SART3: variants seen among roughly 807,000 people sequenced by gnomAD.
SART3 encodes the protein HIV-1 Tat-interacting protein of 110kDa.
A neutral mutation model predicts 122.3 loss-of-function variants in SART3; 44 were observed. The observed-to-expected ratio is 0.36, with a 90% CI of 0.28 to 0.46. The LOEUF (loss-of-function observed/expected upper bound fraction) is 0.46, where lower values mean the gene tolerates loss of function less well. Among genes scored for constraint, SART3 ranks in the 20% least tolerant of loss-of-function variants. The pLI, the probability that SART3 is intolerant of heterozygous loss-of-function variation, is 1.00. For synonymous variants in SART3, 442 were observed against 454.0 expected (o/e 0.97, Z 0.34); for missense variants, 1,101 against 1,229.0 (o/e 0.90, Z 1.56).
At chr12:108,544,085 G>A (rs1260188234) in intron 5 of SART3, among the ~76,000 whole-genome samples, 4 of 152,140 alleles carry the variant, frequency 2.6e-5, no homozygotes, top group African/African-American at 9.7e-5. Flanking sequence ...TGGAACTCTT[G>A]TTCAATGAAG....
chr12:108,541,998 C>CTT (rs55746158), intron 6 of SART3, among the ~76,000 whole-genome samples: 19 of 68,062 alleles, frequency 2.8e-4, no homozygotes, highest in African/African-American at 4.3e-4. Flanking sequence ...CCAAGCCCGG[C>CTT]TTTTTTTTTT....
Position 108,526,224 on chromosome 12 carries a change from A to T in SART3, c.2245T>A (p.Cys749Ser), listed in dbSNP as rs201032838. 39 of 1,614,208 alleles carry T rather than the reference A, an allele frequency of 2.4e-5. No individual in the cohort carries two copies. ...TTCTCTTCTTTAAACTCCACGTAGC[A>T]GTAACCTCGGAAATCCCCACGGTTG... is the stretch of plus-strand genomic sequence containing the variant. ...FSNRGDFRGY[C>S]YVEFKEEKSA... Residue 749 changes from cysteine (C) to serine (S), a missense_variant, in exon 16 of 19, where the codon TGC becomes AGC. Coordinates refer to ENST00000546815, the MANE Select transcript of SART3 (RefSeq NM_014706.4).
chr12:108,535,343 C>A lies in SART3; in HGVS notation c.1556+16G>T, dbSNP rs1339336443. ...CTGACAAGCACTGCCTCCCTCCCCA[C>A]CCCGAGATCAGTTACCTTTCCAGGT... On this transcript the variant is annotated intron_variant, in intron 12 of 18. Transcript: ENST00000546815. 1.9e-6 allele frequency: 3 copies of A among 1,605,828 alleles called. No individual in the cohort carries two copies. Among genetic ancestry groups the A allele is most frequent in the Non-Finnish European group, 2.6e-6 (3 of 1,172,754 alleles).
chr12:108,535,615 C>T (rs1872870223), intron 11 of SART3, 147 bp from the exon 12 acceptor site: 1 of 729,510 alleles, frequency 1.4e-6, no homozygotes, highest in Non-Finnish European at 2.5e-6. Context: ...GGCCTCCCTC[C>T]AGTGGTAAAC....
intron 1 of SART3, among the ~76,000 whole-genome samples, chr12:108,553,304 T>C (rs1286793186): frequency 6.6e-6 from 1 of 152,166 alleles, no homozygotes; most frequent in African/African-American, 2.4e-5. Context: ...CTTGACTATA[T>C]CAATGTCAAT....
chr12:108,560,503 G>A, intron 1 of SART3: 1 of 399,398 alleles, frequency 2.5e-6, no homozygotes, highest in Admixed American at 4.4e-5. Flanking sequence ...GTGGTTAAGA[G>A]TGGGAGTTCT....
At chr12:108,546,774 G>C (rs767538690) in intron 3 of SART3, among the ~76,000 whole-genome samples, 4 of 152,168 alleles carry the variant, frequency 2.6e-5, no homozygotes, top group Admixed American at 1.3e-4. Context: ...GCCTGCCTCA[G>C]TCTCCCAAAC....
intron 12 of SART3, among the ~76,000 whole-genome samples, chr12:108,533,707 T>C (rs2111954): frequency 0.79 from 120,084 of 152,216 alleles, 47,959 homozygotes; most frequent in East Asian, 0.92. Context: ...AATACAGATA[T>C]GAACAAATAC....
At chr12:108,527,416 C>T (rs1171427644) in intron 15 of SART3, among the ~76,000 whole-genome samples, 1 of 152,238 alleles carries the variant, frequency 6.6e-6, no homozygotes, top group Non-Finnish European at 1.5e-5. Context: ...ACTCGGTCTT[C>T]CCCCTGGATG....
In SART3 at chr12:108,532,348, C is replaced by T. The variant is rs746249632; in HGVS notation, c.1557-14G>A. On this transcript the variant is annotated splice_polypyrimidine_tract_variant and intron_variant, in intron 12 of 18. Transcript: ENST00000546815. ...TCACCATGAGCTCTAAGGCAGAAAA[C>T]AAAAAGTTGCTGCCACCAGGACACA... 87 of 1,611,558 alleles carry T rather than the reference C, an allele frequency of 5.4e-5. No individual in the cohort carries two copies. Among genetic ancestry groups the T allele is most frequent in the Non-Finnish European group, 7.0e-5 (83 of 1,178,560 alleles).
chr12:108,556,635 G>C (rs1246861355), intron 1 of SART3, among the ~76,000 whole-genome samples: 1 of 152,178 alleles, frequency 6.6e-6, no homozygotes, highest in Non-Finnish European at 1.5e-5. Flanking sequence ...CACTTGTTCT[G>C]TTTCCTCATC....
rs756621912 is a variant in SART3, at chr12:108,538,982, G to A, written c.1014C>T (p.Val338=). ...RIQLIFERAL[V]ENCLVPDLWI... ...ATAAGTCTGGGACAAGGCAGTTCTCGACCAGGGCGCGCTCAAAGATCAACT... is the reference window on the plus strand; with the variant it reads ...ATAAGTCTGGGACAAGGCAGTTCTCAACCAGGGCGCGCTCAAAGATCAACT... The change falls in exon 7 of 19, where the codon GTC becomes GTT. Residue 338 remains valine, a synonymous_variant. Transcript: ENST00000546815. 11 of 1,614,034 alleles carry A rather than the reference G, an allele frequency of 6.8e-6. No homozygotes were observed. The highest frequency in any genetic ancestry group is 3.3e-5 in the Admixed American group (2 of 59,996).
chr12:108,535,527 T>C (rs1872866870), intron 11 of SART3, 59 bp from the exon 12 acceptor site: 5 of 1,294,278 alleles, frequency 3.9e-6, no homozygotes, highest in African/African-American at 2.9e-5. Context: ...ACACCCATCA[T>C]ACAACACACT....
intron 2 of SART3, 44 bp downstream of exon 2, chr12:108,549,044 G>C (rs1473658902): frequency 1.2e-6 from 2 of 1,613,442 alleles, no homozygotes; most frequent in Non-Finnish European, 1.7e-6. Flanking sequence ...AAATGTGCAA[G>C]CCTTGTTTCT....
intron 18 of SART3, 60 bp downstream of exon 18, chr12:108,524,256 A>G: frequency 7.3e-7 from 1 of 1,375,240 alleles, no homozygotes; most frequent in Non-Finnish European, 1.0e-6. Context: ...TCCCCCCGTG[A>G]TCCATGAACT....
chr12:108,526,408 G>A lies in SART3; in HGVS notation c.2061C>T (p.Ser687=). Residue 687 remains serine, a synonymous_variant, in exon 16 of 19, where the codon TCC becomes TCT. Coordinates refer to ENST00000546815, the MANE Select transcript of SART3 (RefSeq NM_014706.4). ...GCACCTTGGGCATGTCCCTCTTCAG[G>A]GAGGCTGCCTTCTCCTTCTGCTTCG... ...PPSKQKEKAA[S]LKRDMPKVLH... The A allele has an allele frequency of 2.5e-6, 4 of 1,614,076 alleles. No homozygotes were observed. Among genetic ancestry groups the A allele is most frequent in the Non-Finnish European group, 3.4e-6 (4 of 1,180,008 alleles).
chr12:108,535,732 A>C (rs1872876180), intron 11 of SART3, among the ~76,000 whole-genome samples: 1 of 151,578 alleles, frequency 6.6e-6, no homozygotes, highest in Admixed American at 6.6e-5. Flanking sequence ...AGTACTAGAT[A>C]GTCACGTTTT....
At chr12:108,544,098 T>A (rs1873294475) in intron 5 of SART3, among the ~76,000 whole-genome samples, 1 of 152,208 alleles carries the variant, frequency 6.6e-6, no homozygotes, top group Non-Finnish European at 1.5e-5. Flanking sequence ...CAATGAAGTT[T>A]CCCCAAAAAA....
intron 15 of SART3, among the ~76,000 whole-genome samples, chr12:108,528,681 C>G (rs900101214): frequency 6.6e-6 from 1 of 151,954 alleles, no homozygotes; most frequent in African/African-American, 2.4e-5. Context: ...CGTGCCTGGC[C>G]CCGGGTGTGG....
Sources: gnomAD v4.1 joint callset for allele counts (sites outside exome capture counted in the v4.1 genomes callset) on GRCh38, gnomAD v4.1.1 for gene constraint, MANE v1.5 for transcripts, NCBI Gene and HGNC (gene_info 2026-07-23, HGNC 2026-07-21) for gene names.